Variants in PTPRG observed in about 807,000 individuals in gnomAD.
The protein encoded by PTPRG is receptor-type tyrosine-protein phosphatase gamma.
A neutral mutation model predicts 165.3 loss-of-function variants in PTPRG; 102 were observed. The ratio of observed to expected loss-of-function variants is 0.62; its 90% confidence interval spans 0.53 to 0.73. The LOEUF (loss-of-function observed/expected upper bound fraction) is 0.73, where lower values mean the gene tolerates loss of function less well. Among genes scored for constraint, PTPRG ranks in the 30% least tolerant of loss-of-function variants. PTPRG has a pLI of 0.00. For missense variants in PTPRG, 1,866 were observed against 1,861.4 expected (o/e 1.00, Z -0.05); for synonymous variants, 675 against 669.5 (o/e 1.01, Z -0.13).
chr3:62,264,480 G>A (rs1182310756), intron 17 of PTPRG, among the ~76,000 whole-genome samples: 3 of 152,046 alleles, frequency 2.0e-5, no homozygotes, highest in Non-Finnish European at 4.4e-5. Context: ...TAGAAACCCT[G>A]TATCTACCTT....
intron 1 of PTPRG, among the ~76,000 whole-genome samples, chr3:61,602,135 G>C (rs1052727406): frequency 1.3e-5 from 2 of 151,598 alleles, no homozygotes; most frequent in South Asian, 4.2e-4. Flanking sequence ...TTGGGCTTCT[G>C]TTCAGGCCTT....
At chr3:61,825,115 A>T (rs958303454) in intron 2 of PTPRG, among the ~76,000 whole-genome samples, 1 of 152,220 alleles carries the variant, frequency 6.6e-6, no homozygotes, top group Non-Finnish European at 1.5e-5. Context: ...AAAGGGTAAG[A>T]ATATTCGAGA....
chr3:61,758,139 G>T (rs940189867), intron 2 of PTPRG, among the ~76,000 whole-genome samples: 1 of 147,968 alleles, frequency 6.8e-6, no homozygotes, highest in Non-Finnish European at 1.5e-5. Context: ...GACTATAGGC[G>T]CACACCACCA....
intron 2 of PTPRG, among the ~76,000 whole-genome samples, chr3:61,858,061 A>C (rs1428324063): frequency 1.3e-5 from 2 of 152,208 alleles, no homozygotes; most frequent in Non-Finnish European, 2.9e-5. Flanking sequence ...ACATGTTTTC[A>C]ATGGGTTGTA....
intron 2 of PTPRG, among the ~76,000 whole-genome samples, chr3:61,761,461 C>T (rs1329480496): frequency 6.6e-6 from 1 of 152,120 alleles, no homozygotes; most frequent in African/African-American, 2.4e-5. Flanking sequence ...CACCTGTAAC[C>T]CAGCTACTTG....
chr3:61,759,211 T>G (rs974239481), intron 2 of PTPRG, among the ~76,000 whole-genome samples: 2 of 152,230 alleles, frequency 1.3e-5, no homozygotes, highest in Non-Finnish European at 2.9e-5. Context: ...TCGTTTACTT[T>G]AAGGCCCATT....
chr3:61,612,485 T>G (rs1289800374), intron 1 of PTPRG, among the ~76,000 whole-genome samples: 1 of 152,218 alleles, frequency 6.6e-6, no homozygotes, highest in Non-Finnish European at 1.5e-5. Context: ...GTGGCCTGTT[T>G]CCAGTTAGAA....
chr3:61,679,560 GGATCACTT>G (rs925714853), intron 1 of PTPRG, among the ~76,000 whole-genome samples: 3 of 152,112 alleles, frequency 2.0e-5, no homozygotes, highest in Admixed American at 1.3e-4. Context: ...CAAAGCTGGT[GGATCACTT>G]GAGTCCAGGA....
At chr3:61,988,582 A>G (rs1036972630) in intron 2 of PTPRG, among the ~76,000 whole-genome samples, 4 of 152,210 alleles carry the variant, frequency 2.6e-5, no homozygotes, top group African/African-American at 9.6e-5. Context: ...CCCATCTACC[A>G]GTATTTCTGT....
intron 1 of PTPRG, among the ~76,000 whole-genome samples, chr3:61,578,729 T>C (rs964857181): frequency 1.3e-5 from 2 of 152,210 alleles, no homozygotes; most frequent in Non-Finnish European, 2.9e-5. Flanking sequence ...ATTGAGTCCA[T>C]GTGCATCCAC....
At chr3:62,181,197 G>C (rs1234761774) in intron 8 of PTPRG, among the ~76,000 whole-genome samples, 1 of 152,166 alleles carries the variant, frequency 6.6e-6, no homozygotes, top group Non-Finnish European at 1.5e-5. Context: ...AGGAGAATCT[G>C]GGGGCAACTC....
Position 61,841,078 on chromosome 3 carries a change from G to A in PTPRG, c.190+92096G>A, listed in dbSNP as rs567307725. On this transcript the variant is annotated intron_variant, in intron 2 of 29. Transcript: ENST00000474889. ...ATTACAGATGTGAGCCACCACACCC[G>A]GCCGATAGGTAGCTATCTTAATAAT... Among the ~76,000 whole-genome samples the A allele has an allele frequency of 1.2e-4, 18 of 152,182 alleles. No homozygotes were observed. In the South Asian group the frequency reaches 2.1e-3, roughly 18 times the overall value.
In PTPRG at chr3:61,562,253, C is replaced by G. The variant is rs1214998610; in HGVS notation, c.-35C>G. 1.3e-6 allele frequency: 2 copies of G among 1,594,054 alleles called. No individual in the cohort carries two copies. The highest frequency in any genetic ancestry group is 4.5e-5 in the East Asian group (2 of 44,726). On this transcript the variant is annotated 5_prime_UTR_variant, in exon 1 of 30. Transcript: ENST00000474889. ...AAGAACTTATTCAACAAGTTTACCT[C>G]CCTGCTTTCCTCTTTTCGATGTGCG...
At chr3:61,606,225 A>G (rs1295479254) in intron 1 of PTPRG, among the ~76,000 whole-genome samples, 1 of 152,156 alleles carries the variant, frequency 6.6e-6, no homozygotes, top group East Asian at 1.9e-4. Context: ...AGCAGAACGT[A>G]GCGCTTCATG....
At chr3:62,038,760 G>A (rs1476458609) in intron 4 of PTPRG, among the ~76,000 whole-genome samples, 13 of 152,036 alleles carry the variant, frequency 8.6e-5, no homozygotes, top group Admixed American at 8.5e-4. Flanking sequence ...TACATATATG[G>A]AGATATATAT....
intron 8 of PTPRG, among the ~76,000 whole-genome samples, chr3:62,181,013 C>A (rs748087938): frequency 6.6e-6 from 1 of 152,160 alleles, no homozygotes; most frequent in Non-Finnish European, 1.5e-5. Flanking sequence ...ATGGTAATTG[C>A]AACACAGAGC....
At chr3:62,188,712 C>G (rs1699726064) in intron 8 of PTPRG, among the ~76,000 whole-genome samples, 1 of 152,132 alleles carries the variant, frequency 6.6e-6, no homozygotes, top group African/African-American at 2.4e-5. Context: ...TATGATGTAA[C>G]TGTCAGAGAG....
intron 6 of PTPRG, among the ~76,000 whole-genome samples, chr3:62,135,651 G>A (rs1051349343): frequency 2.0e-5 from 3 of 152,134 alleles, no homozygotes; most frequent in South Asian, 2.1e-4. Flanking sequence ...TTAAGCAGAC[G>A]CCAAGGTGGA....
At chr3:62,094,254 C>A (rs987608734) in intron 5 of PTPRG, among the ~76,000 whole-genome samples, 1 of 152,170 alleles carries the variant, frequency 6.6e-6, no homozygotes, top group Non-Finnish European at 1.5e-5. Context: ...CTCCCTACCC[C>A]CTTTTTCTTC....
Sources: allele counts gnomAD v4.1 joint callset (sites outside exome capture counted in the v4.1 genomes callset), GRCh38; gene constraint gnomAD v4.1.1; transcripts MANE v1.5; gene names NCBI Gene and HGNC (gene_info 2026-07-23, HGNC 2026-07-21).